Variants in RAPGEF2 observed in about 807,000 individuals in gnomAD.
RAPGEF2 encodes the protein Rap guanine nucleotide exchange factor 2.
A neutral mutation model predicts 186.7 loss-of-function variants in RAPGEF2; 54 were observed. The ratio of observed to expected loss-of-function variants is 0.29; its 90% CI spans 0.23 to 0.36. The LOEUF is 0.36. Among genes scored for constraint, RAPGEF2 ranks in the 10% least tolerant of loss-of-function variants. The pLI is 1.00. For missense variants in RAPGEF2, 1,532 were observed against 2,045.0 expected, an observed-to-expected ratio of 0.75 and a Z score of 4.84; for synonymous variants, 712 against 705.9, an observed-to-expected ratio of 1.01 and a Z score of -0.14.
chr4:159,265,334 G>C lies in RAPGEF2; in HGVS notation c.543+21543G>C, dbSNP rs79121441. Among the ~76,000 whole-genome samples, 1,241 of 152,310 alleles carry C rather than the reference G, an allele frequency of 8.1e-3. 14 individuals are homozygous for C. Among genetic ancestry groups the C allele is most frequent in the African/African-American group, 0.028 (1,170 of 41,572 alleles). On this transcript the variant is annotated intron_variant, in intron 7 of 29. Transcript: ENST00000691494. ...AAAATTACAACGGTAGTAAATGAGT[G>C]CTTCAGTGAAGGGATAAACACTAAC... is the stretch of plus-strand genomic sequence containing the variant.
chr4:159,338,227 G>T, intron 17 of RAPGEF2, 84 bp from the exon 18 acceptor site: 1 of 1,231,240 alleles, frequency 8.1e-7, no homozygotes, highest in Non-Finnish European at 1.1e-6. Flanking sequence ...AATGGAATAT[G>T]GTTTTTGGTC....
intron 17 of RAPGEF2, among the ~76,000 whole-genome samples, chr4:159,336,594 A>G (rs544397821): frequency 1.3e-5 from 2 of 152,276 alleles, no homozygotes; most frequent in East Asian, 3.9e-4. Flanking sequence ...GGTTGCTTCC[A>G]TGTTTTTGCA....
intron 7 of RAPGEF2, among the ~76,000 whole-genome samples, chr4:159,261,730 G>C (rs1425809955): frequency 1.3e-5 from 2 of 152,088 alleles, no homozygotes; most frequent in Non-Finnish European, 2.9e-5. Flanking sequence ...GGACATCATA[G>C]GTCTGATCAT....
In RAPGEF2 at chr4:159,295,730, T is replaced by TGA. The variant is rs1402257529; in HGVS notation, c.544-8611_544-8610insAG. On this transcript the variant is annotated intron_variant, in intron 7 of 29. Transcript: ENST00000691494. ...GAGAGAGAGTGTGTGAGTGTGTGTG[T>TGA]GTGTGTGTGTGTGTGTGTGTGTGTG... 8.5e-4 allele frequency among the ~76,000 whole-genome samples: 83 copies of TGA among 98,034 alleles called. 1 individual carries two copies. The Middle Eastern group carries it at 0.057, about 67-fold the overall frequency. The allele number at this position is 98,034 out of a possible 152,430, so 64.3% of individuals were successfully genotyped here.
At chr4:159,270,781 C>T (rs926043400) in intron 7 of RAPGEF2, among the ~76,000 whole-genome samples, 3 of 152,098 alleles carry the variant, frequency 2.0e-5, no homozygotes, top group South Asian at 2.1e-4. Context: ...TATTTTATTA[C>T]ACCTCCCCCT....
chr4:159,303,346 A>G (rs570942499), intron 7 of RAPGEF2, among the ~76,000 whole-genome samples: 66 of 152,162 alleles, frequency 4.3e-4, no homozygotes, highest in Non-Finnish European at 8.2e-4. Context: ...ATTAGTCCTT[A>G]TATTTATAAC....
chr4:159,172,765 G>T (rs1746046540), intron 1 of RAPGEF2, among the ~76,000 whole-genome samples: 2 of 152,148 alleles, frequency 1.3e-5, no homozygotes, highest in South Asian at 2.1e-4. Context: ...AGATACTTCA[G>T]AAACTATAAC....
chr4:159,104,378 C>T (rs1048464626), intron 1 of RAPGEF2, 147 bp downstream of exon 1: 5 of 453,036 alleles, frequency 1.1e-5, no homozygotes, highest in African/African-American at 2.1e-5. Context: ...AGGCATCCCA[C>T]CTCCGAGTCT....
intron 18 of RAPGEF2, 92 bp downstream of exon 18, chr4:159,338,560 C>T: frequency 1.5e-6 from 2 of 1,299,512 alleles, no homozygotes; most frequent in Non-Finnish European, 2.1e-6. Flanking sequence ...CTTCATTTGG[C>T]ATGGATTATA....
At position 159,354,788 on chromosome 4, in the gene RAPGEF2, C is replaced by T. The variant is rs142370367; in HGVS notation, c.4651+742C>T. ...GCCCAGATAGTAGATTCACTAAGTA[C>T]ATGAAAGCTATTGCTGCTGCTGTTC... is the stretch of plus-strand genomic sequence containing the variant. On this transcript the variant is annotated intron_variant, in intron 28 of 29. Coordinates refer to ENST00000691494, the MANE Select transcript of RAPGEF2 (RefSeq NM_001394067.2). Among the ~76,000 whole-genome samples the T allele has an allele frequency of 4.6e-5, 7 of 152,316 alleles. No homozygotes were observed. In the South Asian group the frequency reaches 1.2e-3, roughly 27 times the overall value.
At chr4:159,197,162 A>G (rs1319347659) in intron 3 of RAPGEF2, among the ~76,000 whole-genome samples, 1 of 152,238 alleles carries the variant, frequency 6.6e-6, no homozygotes, top group Non-Finnish European at 1.5e-5. Flanking sequence ...AGAAACATAT[A>G]TGTAAAAACA....
intron 1 of RAPGEF2, among the ~76,000 whole-genome samples, chr4:159,160,983 AG>A (rs1309276265): frequency 1.5e-5 from 2 of 129,156 alleles, no homozygotes; most frequent in African/African-American, 2.5e-5. Context: ...TAGAAATTAA[AG>A]TTTTTTTTAA....
intron 7 of RAPGEF2, among the ~76,000 whole-genome samples, 154 bp downstream of exon 7, chr4:159,243,945 T>A (rs1754306416): frequency 6.6e-6 from 1 of 151,946 alleles, no homozygotes; most frequent in East Asian, 1.9e-4. Flanking sequence ...GTGGTTTGGG[T>A]GGTAGAATAG....
chr4:159,292,586 C>T (rs1016395939), intron 7 of RAPGEF2, among the ~76,000 whole-genome samples: 7 of 152,068 alleles, frequency 4.6e-5, no homozygotes, highest in African/African-American at 1.7e-4. Context: ...GTACATCCAC[C>T]CTTCTTCCTA....
chr4:159,177,650 A>C (rs547057280), intron 1 of RAPGEF2, among the ~76,000 whole-genome samples: 104 of 152,278 alleles, frequency 6.8e-4, no homozygotes, highest in Admixed American at 1.2e-3. Context: ...CTCCTAAATA[A>C]AACACTGCAG....
intron 26 of RAPGEF2, chr4:159,350,952 C>A: frequency 7.7e-7 from 1 of 1,292,142 alleles, no homozygotes; most frequent in Non-Finnish European, 1.1e-6. Context: ...ACAGGTATTG[C>A]TTTACTTGGT....
chr4:159,266,337 A>C (rs1010814439), intron 7 of RAPGEF2, among the ~76,000 whole-genome samples: 1 of 152,204 alleles, frequency 6.6e-6, no homozygotes, highest in African/African-American at 2.4e-5. Flanking sequence ...TGACAGTTCC[A>C]AAGTCAATTA....
chr4:159,200,060 C>CTA (rs1554008945), intron 3 of RAPGEF2, among the ~76,000 whole-genome samples: 121 of 151,400 alleles, frequency 8.0e-4, no homozygotes, highest in East Asian at 3.5e-3. Flanking sequence ...CTCTCTCTCT[C>CTA]TATATATATA....
intron 1 of RAPGEF2, among the ~76,000 whole-genome samples, chr4:159,149,300 G>T (rs995012005): frequency 1.3e-5 from 2 of 152,080 alleles, no homozygotes. Flanking sequence ...TTGCCCTCTT[G>T]CCCAGGCTGG....
Sources: gnomAD v4.1 joint callset for allele counts (sites outside exome capture counted in the v4.1 genomes callset) on GRCh38, gnomAD v4.1.1 for gene constraint, MANE v1.5 for transcripts, NCBI Gene and HGNC (gene_info 2026-07-23, HGNC 2026-07-21) for gene names.